The following ROBO2 variants were observed in gnomAD, a reference collection of about 807,000 sequenced individuals.
The protein encoded by ROBO2 is roundabout homolog 2.
Under a neutral mutation model 160.8 loss-of-function variants are expected in ROBO2, and 53 were observed. The observed-to-expected ratio is 0.33, with a 90% confidence interval of 0.26 to 0.41. The LOEUF (loss-of-function observed/expected upper bound fraction) is 0.41, where lower values mean the gene tolerates loss of function less well. ROBO2 is among the 10% of genes least tolerant of loss of function. The probability of loss-of-function intolerance (pLI) is 1.00; values close to 1 mark genes in which losing one functional copy is unlikely to be tolerated. For synonymous variants in ROBO2, 664 were observed against 611.7 expected, an observed-to-expected ratio of 1.09 and a Z score of -1.26; for missense variants, 1,577 against 1,722.4, an observed-to-expected ratio of 0.92 and a Z score of 1.49.
chr3:77,355,308 C>T (rs1000412695), intron 2 of ROBO2, among the ~76,000 whole-genome samples: 3 of 152,148 alleles, frequency 2.0e-5, no homozygotes. Context: ...TAAATTAGAT[C>T]ATACAATCTG....
At chr3:76,662,176 C>A (rs1027659917) in intron 2 of ROBO2, among the ~76,000 whole-genome samples, 7 of 151,990 alleles carry the variant, frequency 4.6e-5, no homozygotes, top group African/African-American at 1.5e-4. Flanking sequence ...AAGAAGGGGT[C>A]CCTTCAGTTG....
chr3:76,963,421 T>C (rs1283877995), intron 2 of ROBO2, among the ~76,000 whole-genome samples: 1 of 152,158 alleles, frequency 6.6e-6, no homozygotes, highest in Non-Finnish European at 1.5e-5. Context: ...ATTATGCTTA[T>C]ACCATGAGGG....
At chr3:77,544,672 G>A (rs1207040982) in intron 6 of ROBO2, among the ~76,000 whole-genome samples, 1 of 152,042 alleles carries the variant, frequency 6.6e-6, no homozygotes, top group Non-Finnish European at 1.5e-5. Flanking sequence ...TCTCCTGAAG[G>A]ACTGAAATGA....
chr3:75,935,743 T>C (rs1947746611), intron 1 of ROBO2, among the ~76,000 whole-genome samples: 1 of 152,186 alleles, frequency 6.6e-6, no homozygotes. Flanking sequence ...CATCTTTTTT[T>C]CCCTCTTCTC....
At chr3:76,500,527 A>G (rs952365556) in intron 2 of ROBO2, among the ~76,000 whole-genome samples, 1 of 152,222 alleles carries the variant, frequency 6.6e-6, no homozygotes, top group Non-Finnish European at 1.5e-5. Flanking sequence ...GTGACCCTGT[A>G]AAACAAAGTC....
chr3:76,813,025 T>C (rs1024993205), intron 2 of ROBO2, among the ~76,000 whole-genome samples: 8 of 151,310 alleles, frequency 5.3e-5, no homozygotes, highest in African/African-American at 1.7e-4. Context: ...TTATTGTTTG[T>C]ACTGGCACAC....
intron 2 of ROBO2, among the ~76,000 whole-genome samples, chr3:75,977,837 A>G (rs956435480): frequency 3.3e-5 from 5 of 151,558 alleles, no homozygotes; most frequent in African/African-American, 1.2e-4. Context: ...ATTTTGGGTA[A>G]AAATGAGACA....
At chr3:76,655,382 CAA>C in intron 2 of ROBO2, among the ~76,000 whole-genome samples, 1 of 106,684 alleles carries the variant, frequency 9.4e-6, no homozygotes. Flanking sequence ...AAACAAATTT[CAA>C]AAAAAAAACT....
intron 2 of ROBO2, among the ~76,000 whole-genome samples, chr3:76,812,063 G>T (rs1167171210): frequency 6.6e-6 from 1 of 151,600 alleles, no homozygotes; most frequent in Non-Finnish European, 1.5e-5. Flanking sequence ...TGCAGACAGG[G>T]TTTCACCGTG....
intron 2 of ROBO2, among the ~76,000 whole-genome samples, chr3:76,663,217 T>C (rs1302590294): frequency 3.3e-5 from 5 of 152,154 alleles, no homozygotes; most frequent in Admixed American, 3.3e-4. Context: ...GGAAACCGAC[T>C]GAGTATTGGT....
chr3:76,087,463 A>G (rs911614258), intron 2 of ROBO2, among the ~76,000 whole-genome samples: 3 of 152,086 alleles, frequency 2.0e-5, no homozygotes, highest in African/African-American at 7.2e-5. Flanking sequence ...AGACATTCTC[A>G]AACATAAATT....
intron 2 of ROBO2, among the ~76,000 whole-genome samples, chr3:76,146,217 A>C (rs1342139999): frequency 1.3e-5 from 2 of 151,988 alleles, no homozygotes; most frequent in Admixed American, 1.3e-4. Context: ...CAATTACTCA[A>C]CAAAACTGAT....
chr3:76,153,089 T>G (rs1361091511), intron 2 of ROBO2, among the ~76,000 whole-genome samples: 1 of 152,168 alleles, frequency 6.6e-6, no homozygotes, highest in Non-Finnish European at 1.5e-5. Flanking sequence ...AGTAAACAAA[T>G]AAATCTCTTG....
At chr3:77,188,471 G>A (rs577998647) in intron 2 of ROBO2, among the ~76,000 whole-genome samples, 57 of 151,884 alleles carry the variant, frequency 3.8e-4, no homozygotes, top group Non-Finnish European at 7.8e-4. Flanking sequence ...GAAGAAATGG[G>A]TTTCTGAGCA....
At chr3:76,217,240 C>A (rs1235298300) in intron 2 of ROBO2, among the ~76,000 whole-genome samples, 1 of 152,076 alleles carries the variant, frequency 6.6e-6, no homozygotes, top group Non-Finnish European at 1.5e-5. Context: ...ACCCTAACAT[C>A]ACAATGAAAA....
chr3:77,202,249 G>T (rs1250082178), intron 2 of ROBO2, among the ~76,000 whole-genome samples: 2 of 152,078 alleles, frequency 1.3e-5, no homozygotes, highest in Non-Finnish European at 2.9e-5. Context: ...ACAAAATGTT[G>T]ATCATTGTGA....
chr3:76,076,996 C>T (rs987194233), intron 2 of ROBO2, among the ~76,000 whole-genome samples: 3 of 152,114 alleles, frequency 2.0e-5, no homozygotes, highest in South Asian at 2.1e-4. Context: ...CTGTTTAATT[C>T]GGGCTCTACT....
chr3:76,978,547 C>G (rs577951180), intron 2 of ROBO2, among the ~76,000 whole-genome samples: 1 of 152,058 alleles, frequency 6.6e-6, no homozygotes, highest in Admixed American at 6.5e-5. Flanking sequence ...AACTATATTG[C>G]TCAGAAAATC....
chr3:77,583,694 A>G (rs549248857), intron 16 of ROBO2, among the ~76,000 whole-genome samples: 12 of 151,898 alleles, frequency 7.9e-5, no homozygotes, highest in Admixed American at 2.6e-4. Context: ...CTTGGGTTAT[A>G]TTTTTCTGGT....
Sources: gnomAD v4.1 joint callset for allele counts (sites outside exome capture counted in the v4.1 genomes callset) on GRCh38, gnomAD v4.1.1 for gene constraint, MANE v1.5 for transcripts, NCBI Gene and HGNC (gene_info 2026-07-23, HGNC 2026-07-21) for gene names.